The following PRAG1 variants were observed in gnomAD, a reference collection of about 807,000 sequenced individuals.
PRAG1 encodes the protein PEAK1 related, kinase-activating pseudokinase 1.
In PRAG1, 110 loss-of-function variants were observed where a neutral mutation model predicts 95.6. The observed-to-expected ratio is 1.15, with a 90% CI of 0.99 to 1.35. The LOEUF (loss-of-function observed/expected upper bound fraction) is 1.35, where lower values mean the gene tolerates loss of function less well. Ranked by LOEUF, PRAG1 falls within the 40% of genes most tolerant of loss-of-function variation. PRAG1 has a pLI of 0.00. For missense variants in PRAG1, 2,554 were observed against 1,864.7 expected, an observed-to-expected ratio of 1.37 and a Z score of -6.81; for synonymous variants, 1,052 against 819.4, an observed-to-expected ratio of 1.28 and a Z score of -4.85.
In PRAG1 at chr8:8,345,049, GTGT is replaced by G. The variant is rs1563238224; in HGVS notation, c.2163-5417_2163-5415del. Among the ~76,000 whole-genome samples the G allele has an allele frequency of 2.0e-4, 12 of 59,324 alleles. No homozygotes were observed. In the East Asian group the frequency reaches 4.7e-3, roughly 23 times the overall value. The allele number at this position is 59,324 out of a possible 152,430, so 38.9% of individuals were successfully genotyped here. ...TTACAGGATAAATTATCCGCAGGGT[GTGT>G]GTGTGTGTGTGTGTGTGTGTGTGTG... On this transcript the variant is annotated intron_variant, in intron 3 of 5. Transcript: ENST00000615670.
chr8:8,364,994 T>A (rs986754015), intron 3 of PRAG1, among the ~76,000 whole-genome samples: 10 of 152,150 alleles, frequency 6.6e-5, no homozygotes, highest in Non-Finnish European at 1.2e-4. Context: ...GACATGAATA[T>A]AGAGAAGATA....
At chr8:8,346,455 C>G (rs1034424996) in intron 3 of PRAG1, among the ~76,000 whole-genome samples, 3 of 152,218 alleles carry the variant, frequency 2.0e-5, no homozygotes, top group African/African-American at 7.2e-5. Context: ...ACGGTGTCCT[C>G]AGAGCCCCAG....
At chr8:8,347,343 C>G (rs1008908634) in intron 3 of PRAG1, among the ~76,000 whole-genome samples, 1 of 152,230 alleles carries the variant, frequency 6.6e-6, no homozygotes, top group South Asian at 2.1e-4. Flanking sequence ...TGTTTCCCCT[C>G]AGTTCCTCTC....
At chr8:8,337,927 G>A (rs991034372) in intron 4 of PRAG1, among the ~76,000 whole-genome samples, 2 of 152,074 alleles carry the variant, frequency 1.3e-5, no homozygotes, top group African/African-American at 4.8e-5. Flanking sequence ...GTCTATTGAA[G>A]CATGTCAGAC....
chr8:8,340,620 T>G (rs1276158531), intron 3 of PRAG1, among the ~76,000 whole-genome samples: 3 of 152,272 alleles, frequency 2.0e-5, no homozygotes, highest in Non-Finnish European at 4.4e-5. Flanking sequence ...AGAACTGCCT[T>G]ATTTAATGCG....
intron 4 of PRAG1, among the ~76,000 whole-genome samples, chr8:8,334,148 C>G (rs1004901512): frequency 6.6e-6 from 1 of 152,176 alleles, no homozygotes; most frequent in East Asian, 1.9e-4. Flanking sequence ...AAAACAAAAA[C>G]AAAAAGCAAA....
At chr8:8,369,281 A>G (rs1180329421) in intron 3 of PRAG1, among the ~76,000 whole-genome samples, 4 of 152,110 alleles carry the variant, frequency 2.6e-5, no homozygotes, top group African/African-American at 7.2e-5. Flanking sequence ...GGAAAAGTCA[A>G]GGAAGAATGT....
chr8:8,351,631 G>C (rs950224276), intron 3 of PRAG1, among the ~76,000 whole-genome samples: 1 of 152,190 alleles, frequency 6.6e-6, no homozygotes, highest in Non-Finnish European at 1.5e-5. Context: ...GAATTTGTGT[G>C]TTCAAGAACT....
At chr8:8,384,131 G>C (rs1170624175) in intron 1 of PRAG1, among the ~76,000 whole-genome samples, 1 of 152,192 alleles carries the variant, frequency 6.6e-6, no homozygotes, top group Non-Finnish European at 1.5e-5. Flanking sequence ...ATCTGAGGAG[G>C]TGGGTGCCCA....
intron 5 of PRAG1, among the ~76,000 whole-genome samples, chr8:8,324,560 C>G (rs1364242761): frequency 6.6e-6 from 1 of 152,134 alleles, no homozygotes; most frequent in Non-Finnish European, 1.5e-5. Context: ...TTCTCCATCT[C>G]CATCTCCCTA....
At chr8:8,345,391 G>C (rs1799307230) in intron 3 of PRAG1, among the ~76,000 whole-genome samples, 1 of 150,232 alleles carries the variant, frequency 6.7e-6, no homozygotes, top group South Asian at 2.1e-4. Flanking sequence ...AAGAAAGAAA[G>C]AAAGAAAAAG....
intron 1 of PRAG1, among the ~76,000 whole-genome samples, chr8:8,383,454 G>A (rs1386619604): frequency 6.6e-6 from 1 of 152,058 alleles, no homozygotes; most frequent in African/African-American, 2.4e-5. Flanking sequence ...AGCCATGCAT[G>A]CCTGTGGTCC....
intron 5 of PRAG1, among the ~76,000 whole-genome samples, chr8:8,325,547 G>T (rs1279172584): frequency 6.6e-6 from 1 of 152,080 alleles, no homozygotes; most frequent in Middle Eastern, 3.2e-3. Flanking sequence ...TAGAGAATAC[G>T]GCTAATTCTG....
chr8:8,345,157 AT>A (rs1271599603), intron 3 of PRAG1, among the ~76,000 whole-genome samples: 1 of 150,902 alleles, frequency 6.6e-6, no homozygotes, highest in Non-Finnish European at 1.5e-5. Flanking sequence ...CACAAGTGGA[AT>A]TTTCATGGCT....
chr8:8,320,717 C>G (rs1798446247), intron 5 of PRAG1, among the ~76,000 whole-genome samples: 1 of 152,244 alleles, frequency 6.6e-6, no homozygotes, highest in African/African-American at 2.4e-5. Context: ...TAAAATAACC[C>G]TGCCTTCAGG....
chr8:8,326,877 A>G (rs529306656), intron 5 of PRAG1, among the ~76,000 whole-genome samples: 1 of 152,360 alleles, frequency 6.6e-6, no homozygotes, highest in South Asian at 2.1e-4. Context: ...CTGTAGGATT[A>G]CTGTTAGGAT....
At chr8:8,327,606 C>T (rs1297126829) in intron 5 of PRAG1, 104 bp downstream of exon 5, 19 of 1,305,910 alleles carry the variant, frequency 1.5e-5, no homozygotes, top group Middle Eastern at 2.5e-4. Flanking sequence ...ATCAACTCCC[C>T]TCCTAATGCC....
In PRAG1 at chr8:8,318,925, G is replaced by A; in HGVS notation, c.3450C>T (p.Asn1150=). The change falls in exon 6 of 6, where the codon AAC becomes AAT. Residue 1150 remains asparagine (N), a synonymous_variant. Coordinates refer to ENST00000615670, the MANE Select transcript of PRAG1 (RefSeq NM_001080826.3). The surrounding 1 kb of genome is among the most constrained non-coding windows in gnomAD (Gnocchi z 4.2). ...GGAGGGTGCAGTGCACCAGCAGCAGGTTCTCCAGGCACAGGTCCCGGTGGA... is the reference window on the plus strand; with the variant it reads ...GGAGGGTGCAGTGCACCAGCAGCAGATTCTCCAGGCACAGGTCCCGGTGGA... ...GIIHRDLCLE[N]LLLVHCTLQA... is the part of the protein sequence containing the mutation. 1.2e-6 allele frequency: 2 copies of A among 1,610,500 alleles called. No individual in the cohort carries two copies. The highest frequency in any genetic ancestry group is 8.5e-7 in the Non-Finnish European group (1 of 1,178,784).
chr8:8,352,587 C>T (rs1799557929), intron 3 of PRAG1, among the ~76,000 whole-genome samples: 2 of 152,222 alleles, frequency 1.3e-5, no homozygotes, highest in African/African-American at 4.8e-5. Flanking sequence ...CACAGTTTCT[C>T]TTCCTGTTAG....
Sources: gnomAD v4.1 joint callset for allele counts (sites outside exome capture counted in the v4.1 genomes callset) on GRCh38, gnomAD v4.1.1 for gene constraint, Gnocchi (gnomAD v3.1) non-coding constraint, MANE v1.5 for transcripts, NCBI Gene and HGNC (gene_info 2026-07-23, HGNC 2026-07-21) for gene names.